SGCZ: variants seen among roughly 807,000 people sequenced by gnomAD.
SGCZ encodes the protein zeta-sarcoglycan.
A neutral mutation model predicts 41.3 loss-of-function variants in SGCZ; 40 were observed. That is an observed-to-expected ratio of 0.97 (90% CI 0.75 to 1.26). The LOEUF (loss-of-function observed/expected upper bound fraction) is 1.26, where lower values mean the gene tolerates loss of function less well. SGCZ is among the 50% of genes most tolerant of loss of function. The pLI, the probability that SGCZ is intolerant of heterozygous loss-of-function variation, is 0.00. For missense variants in SGCZ, 552 were observed against 369.8 expected (o/e 1.49, Z -4.04); for synonymous variants, 206 against 137.5 (o/e 1.50, Z -3.49).
At chr8:15,116,892 A>G (rs939648424) in intron 1 of SGCZ, among the ~76,000 whole-genome samples, 2 of 152,228 alleles carry the variant, frequency 1.3e-5, no homozygotes, top group Admixed American at 6.5e-5. Flanking sequence ...AACTACAATC[A>G]CAGATACGTA....
intron 2 of SGCZ, among the ~76,000 whole-genome samples, chr8:14,469,227 C>A (rs972108732): frequency 2.0e-5 from 3 of 152,128 alleles, no homozygotes; most frequent in Admixed American, 2.0e-4. Context: ...ACTACCTATA[C>A]AGAAAGACAA....
chr8:14,539,878 G>T (rs1803407260), intron 2 of SGCZ, among the ~76,000 whole-genome samples: 1 of 151,954 alleles, frequency 6.6e-6, no homozygotes, highest in South Asian at 2.1e-4. Flanking sequence ...ATGTCAGATA[G>T]AAGTCCTTTG....
In SGCZ at chr8:14,914,571, T is replaced by C. The variant is rs192372181; in HGVS notation, c.39+323014A>G. On this transcript the variant is annotated intron_variant, in intron 1 of 7. Coordinates refer to ENST00000382080, the MANE Select transcript of SGCZ (RefSeq NM_139167.4). The stretch of plus-strand genomic sequence containing the variant: ...TAAAAAAGGCTTATCAAGAGCGTTC[T>C]TTTAGTCATAGCCCATACATTCTAC... Among the ~76,000 whole-genome samples the C allele has an allele frequency of 2.2e-3, 335 of 152,294 alleles. 1 individual carries two copies. The highest frequency in any genetic ancestry group is 7.5e-3 in the African/African-American group (313 of 41,560).
At chr8:14,850,228 T>A (rs528443227) in intron 1 of SGCZ, among the ~76,000 whole-genome samples, 1 of 152,342 alleles carries the variant, frequency 6.6e-6, no homozygotes, top group Admixed American at 6.5e-5. Context: ...CAAATGTTCA[T>A]TCAATAACAA....
Position 14,397,863 on chromosome 8 carries a change from T to C in SGCZ, c.235-73659A>G, listed in dbSNP as rs1014162353. ...AGATTGTCAACCCTGAGCAGAGCCATGGACACTTAAGTTTCCTTCTTTCAT... is the reference window on the plus strand; with the variant it reads ...AGATTGTCAACCCTGAGCAGAGCCACGGACACTTAAGTTTCCTTCTTTCAT... On this transcript the variant is annotated intron_variant, in intron 2 of 7. Transcript: ENST00000382080. 2.6e-5 allele frequency among the ~76,000 whole-genome samples: 4 copies of C among 152,268 alleles called. No individual in the cohort carries two copies. In the East Asian group the frequency reaches 5.8e-4, roughly 22 times the overall value.
Position 14,628,243 on chromosome 8 carries a change from A to G in SGCZ, c.40-73317T>C, listed in dbSNP as rs559783154. ...TAAAAAAGATCCCATCTTGATCATG[A>G]AAAAGCTTGAACAAAAAATAAATAT... On this transcript the variant is annotated intron_variant, in intron 1 of 7. Coordinates refer to ENST00000382080, the MANE Select transcript of SGCZ (RefSeq NM_139167.4). Among the ~76,000 whole-genome samples, 16 of 152,252 alleles carry G rather than the reference A, an allele frequency of 1.1e-4. No homozygotes were observed. The South Asian group carries it at 3.3e-3, about 32-fold the overall frequency.
At chr8:14,116,580 TGA>T (rs1239367039) in intron 5 of SGCZ, among the ~76,000 whole-genome samples, 8 of 152,110 alleles carry the variant, frequency 5.3e-5, no homozygotes, top group African/African-American at 1.9e-4. Context: ...AGAGTCCAAA[TGA>T]GAATCAGAAC....
At chr8:14,110,784 G>A (rs1802347998) in intron 5 of SGCZ, among the ~76,000 whole-genome samples, 1 of 152,100 alleles carries the variant, frequency 6.6e-6, no homozygotes, top group African/African-American at 2.4e-5. Context: ...AATGCACAGT[G>A]GCTCGTGCCT....
intron 2 of SGCZ, among the ~76,000 whole-genome samples, chr8:14,377,519 T>G (rs1212409428): frequency 1.3e-5 from 2 of 152,186 alleles, no homozygotes; most frequent in African/African-American, 2.4e-5. Flanking sequence ...TTATTTTTTT[T>G]GTTTTTATTT....
Position 15,231,910 on chromosome 8 carries a change from C to A in SGCZ, c.39+5675G>T, listed in dbSNP as rs191371874. 3.1e-4 allele frequency among the ~76,000 whole-genome samples: 47 copies of A among 152,246 alleles called. No homozygotes were observed. In the East Asian group the frequency reaches 7.1e-3, roughly 23 times the overall value. ...GTGTTGGGATTACAGGCGTGAGCCA[C>A]CATGCCCGGCCTAAAATGACGTTTA... On this transcript the variant is annotated intron_variant, in intron 1 of 7. Coordinates refer to ENST00000382080, the MANE Select transcript of SGCZ (RefSeq NM_139167.4).
intron 2 of SGCZ, among the ~76,000 whole-genome samples, chr8:14,454,225 C>T (rs553921302): frequency 2.6e-5 from 4 of 152,242 alleles, no homozygotes; most frequent in African/African-American, 9.6e-5. Flanking sequence ...GATTGGTCTG[C>T]TTTACCAGTA....
intron 2 of SGCZ, among the ~76,000 whole-genome samples, chr8:14,416,776 C>A (rs1220147773): frequency 1.3e-5 from 2 of 151,696 alleles, no homozygotes; most frequent in African/African-American, 4.8e-5. Flanking sequence ...TTTAGTCTGC[C>A]TGGGACTCAA....
intron 1 of SGCZ, among the ~76,000 whole-genome samples, chr8:15,061,105 A>T (rs772639269): frequency 6.6e-6 from 1 of 151,170 alleles, no homozygotes; most frequent in Non-Finnish European, 1.5e-5. Context: ...AATGTTATCA[A>T]ATGTTAGCCA....
At chr8:14,438,179 T>C (rs1300522383) in intron 2 of SGCZ, among the ~76,000 whole-genome samples, 1 of 151,956 alleles carries the variant, frequency 6.6e-6, no homozygotes, top group Non-Finnish European at 1.5e-5. Context: ...GTTGTAAAAA[T>C]AAGGTGGATG....
At chr8:15,214,444 CTG>C (rs1277778992) in intron 1 of SGCZ, among the ~76,000 whole-genome samples, 2 of 152,002 alleles carry the variant, frequency 1.3e-5, no homozygotes, top group Non-Finnish European at 2.9e-5. Flanking sequence ...GTTTATTTGA[CTG>C]TTTTAATTTT....
At chr8:15,056,445 C>G (rs1439715097) in intron 1 of SGCZ, among the ~76,000 whole-genome samples, 1 of 151,704 alleles carries the variant, frequency 6.6e-6, no homozygotes, top group African/African-American at 2.4e-5. Context: ...AGTGCCAGGC[C>G]CATTGTAAGT....
intron 1 of SGCZ, among the ~76,000 whole-genome samples, chr8:15,196,153 T>C (rs1011488596): frequency 1.5e-5 from 2 of 134,082 alleles, no homozygotes; most frequent in African/African-American, 5.7e-5. Context: ...CGCCTCGGCC[T>C]CCCAAAGTGC....
chr8:14,321,928 A>T (rs1201237723), intron 3 of SGCZ, among the ~76,000 whole-genome samples: 1 of 152,148 alleles, frequency 6.6e-6, no homozygotes. Context: ...TACCAAACTC[A>T]CTTAATAATG....
intron 1 of SGCZ, among the ~76,000 whole-genome samples, chr8:15,062,861 T>C (rs1307031112): frequency 6.6e-6 from 1 of 152,118 alleles, no homozygotes; most frequent in African/African-American, 2.4e-5. Flanking sequence ...TATAGAACTA[T>C]GAAATGTATT....
Sources: allele counts gnomAD v4.1 joint callset (sites outside exome capture counted in the v4.1 genomes callset), GRCh38; gene constraint gnomAD v4.1.1; transcripts MANE v1.5; gene names NCBI Gene and HGNC (gene_info 2026-07-23, HGNC 2026-07-21).